Variants in RAB37 observed in about 807,000 individuals in gnomAD.
RAB37 encodes the protein ras-related protein Rab-37.
RAB37 carries 29 observed loss-of-function variants against 33.1 expected under a neutral mutation model. The ratio of observed to expected loss-of-function variants is 0.88; its 90% CI spans 0.65 to 1.20. The LOEUF is 1.20. RAB37 is among the 50% of genes most tolerant of loss of function. The probability of loss-of-function intolerance (pLI) is 0.00; values close to 1 mark genes in which losing one functional copy is unlikely to be tolerated. For synonymous variants in RAB37, 128 were observed against 119.5 expected (o/e 1.07, Z -0.47); for missense variants, 299 against 301.1 (o/e 0.99, Z 0.05).
intron 1 of RAB37, among the ~76,000 whole-genome samples, chr17:74,737,928 C>A (rs1305935758): frequency 1.3e-5 from 2 of 152,204 alleles, no homozygotes; most frequent in Admixed American, 6.5e-5. Context: ...ATGTTGCCAG[C>A]CGGCCTGCAG....
chr17:74,722,156 G>A (rs1196578307), intron 1 of RAB37, among the ~76,000 whole-genome samples: 8 of 151,982 alleles, frequency 5.3e-5, no homozygotes, highest in African/African-American at 1.2e-4. Context: ...GGTGGCGGGC[G>A]CCTGTAGTCC....
In RAB37 at chr17:74,744,897, A is replaced by G; in HGVS notation, c.457A>G (p.Ile153Val). 6.2e-7 allele frequency: 1 copy of G among 1,614,268 alleles called. No homozygotes were observed. The change falls in exon 7 of 9, where the codon ATC becomes GTC. Residue 153 changes from isoleucine to valine, a missense_variant. Physicochemically the swap from Ile to Val is conservative, Grantham distance 29. Coordinates refer to ENST00000392613, the MANE Select transcript of RAB37 (RefSeq NM_001006638.3). This position sits in a 1 kb window ranked among gnomAD's most constrained non-coding sequence, Gnocchi z 4.2. ...NKADMSSERVIRSEDGETLAR... is the reference protein window; with the variant it reads ...NKADMSSERVVRSEDGETLAR... ...GGCGGATATGAGCAGCGAAAGAGTG[A>G]TCCGTTCCGAAGACGGAGAGACCTT...
intron 1 of RAB37, among the ~76,000 whole-genome samples, chr17:74,710,124 G>A (rs999323902): frequency 3.3e-5 from 5 of 152,062 alleles, no homozygotes; most frequent in East Asian, 3.9e-4. Flanking sequence ...GACTACAGGC[G>A]CCCACCACCA....
At chr17:74,731,371 C>T (rs1598313680) in intron 2 of RAB37, among the ~76,000 whole-genome samples, 1 of 152,192 alleles carries the variant, frequency 6.6e-6, no homozygotes, top group Non-Finnish European at 1.5e-5. Flanking sequence ...GGGACAGAGC[C>T]CCTGGTCTCC....
chr17:74,723,180 G>A (rs1291972832), intron 1 of RAB37, among the ~76,000 whole-genome samples: 1 of 152,152 alleles, frequency 6.6e-6, no homozygotes, highest in Non-Finnish European at 1.5e-5. Context: ...GTGTATAACA[G>A]GAGAAAATAC....
In RAB37 at chr17:74,738,726, T is replaced by C. The variant is rs973857726; in HGVS notation, c.93+1361T>C. Among the ~76,000 whole-genome samples the C allele has an allele frequency of 2.6e-5, 4 of 152,130 alleles. No individual in the cohort carries two copies. Among genetic ancestry groups the C allele is most frequent in the Admixed American group, 2.0e-4 (3 of 15,282 alleles). On this transcript the variant is annotated intron_variant, in intron 1 of 8. Coordinates refer to ENST00000392613, the MANE Select transcript of RAB37 (RefSeq NM_001006638.3). The surrounding 1 kb of genome is among the most constrained non-coding windows in gnomAD (Gnocchi z 5.0). ...CATCTGTTCCCTGGCCAAGCGGCAT[T>C]GGCCGGAGAGTTGGTCCCCAGCCTC...
intron 1 of RAB37, chr17:74,712,733 A>T (rs892029740): frequency 1.5e-6 from 2 of 1,332,088 alleles, no homozygotes; most frequent in East Asian, 2.3e-5. Flanking sequence ...GCCATTAAGG[A>T]CACCTTCTGG....
In RAB37 at chr17:74,737,336, T is replaced by G; in HGVS notation, c.64T>G (p.Cys22Gly). The G allele has an allele frequency of 6.3e-7, 1 of 1,577,962 alleles. No individual in the cohort carries two copies. The highest frequency in any genetic ancestry group is 8.6e-7 in the Non-Finnish European group (1 of 1,169,376). The change falls in exon 1 of 9, where the codon TGC becomes GGC. Residue 22 changes from cysteine to glycine, a missense_variant. By Grantham distance (159) the Cys-to-Gly change is radical. Transcript: ENST00000392613. ...DGEAPERSPP[C>G]SPSYDLTGKV... ...CGAGGCCCCCGAGCGCTCCCCGCCC[T>G]GCAGTCCGAGCTACGACCTCACGGG...
upstream of RAB37, chr17:74,737,065 C>T: frequency 6.2e-7 from 1 of 1,608,288 alleles, no homozygotes; most frequent in Non-Finnish European, 8.5e-7. Context: ...AGGGAGGCTG[C>T]CCGCCCCTTC....
chr17:74,673,074 T>C (rs1445992614), intron 1 of RAB37: 3 of 152,132 alleles, frequency 2.0e-5, no homozygotes, highest in African/African-American at 7.2e-5. Flanking sequence ...TAGAAGAAAT[T>C]CTGTGCTATT....
chr17:74,674,238 C>G (rs1188616445), intron 1 of RAB37, among the ~76,000 whole-genome samples: 1 of 152,006 alleles, frequency 6.6e-6, no homozygotes, highest in Non-Finnish European at 1.5e-5. Flanking sequence ...CCATGCCTGG[C>G]TAATTTTTTG....
At chr17:74,718,997 TG>T (rs1050345206) in intron 1 of RAB37, among the ~76,000 whole-genome samples, 1 of 152,052 alleles carries the variant, frequency 6.6e-6, no homozygotes, top group Non-Finnish European at 1.5e-5. Flanking sequence ...TATACATCTG[TG>T]GGGGAAAAGG....
intron 1 of RAB37, among the ~76,000 whole-genome samples, chr17:74,721,450 T>G (rs950389443): frequency 6.0e-5 from 9 of 151,248 alleles, no homozygotes; most frequent in South Asian, 2.1e-4. Flanking sequence ...TTTTTTTTTT[T>G]GAGATGGAGT....
At chr17:74,723,522 T>C (rs1380299779) in intron 1 of RAB37, among the ~76,000 whole-genome samples, 1 of 151,886 alleles carries the variant, frequency 6.6e-6, no homozygotes, top group Non-Finnish European at 1.5e-5. Flanking sequence ...GACGCTTGTC[T>C]GAATGGTGGC....
At chr17:74,743,404 G>T in intron 5 of RAB37, 64 bp downstream of exon 5, 1 of 1,546,752 alleles carries the variant, frequency 6.5e-7, no homozygotes, top group South Asian at 1.1e-5. Flanking sequence ...TGCAGGCTGG[G>T]GTTGCTTCCT....
intron 1 of RAB37, chr17:74,695,238 T>A (rs2032317950): frequency 3.1e-6 from 5 of 1,613,984 alleles, no homozygotes; most frequent in Non-Finnish European, 4.2e-6. Context: ...AATGTCCTCC[T>A]TCGGCAAGGA....
At chr17:74,687,044 A>T (rs2032067642) in intron 1 of RAB37, among the ~76,000 whole-genome samples, 1 of 152,158 alleles carries the variant, frequency 6.6e-6, no homozygotes, top group East Asian at 1.9e-4. Context: ...CTCATAGCAG[A>T]TTTCTACTAC....
intron 1 of RAB37, among the ~76,000 whole-genome samples, chr17:74,683,998 G>A (rs748763954): frequency 3.3e-5 from 5 of 152,230 alleles, no homozygotes; most frequent in Non-Finnish European, 7.3e-5. Flanking sequence ...GGAAGAAGTA[G>A]ACAGGGATCA....
chr17:74,704,581 C>T (rs1331367158), intron 1 of RAB37: 1 of 1,614,186 alleles, frequency 6.2e-7, no homozygotes, highest in South Asian at 1.1e-5. Context: ...CCTCCATGGT[C>T]ACAGTGAACG....
Sources: allele counts gnomAD v4.1 joint callset (sites outside exome capture counted in the v4.1 genomes callset), GRCh38; gene constraint gnomAD v4.1.1; non-coding constraint Gnocchi (gnomAD v3.1); transcripts MANE v1.5; gene names NCBI Gene and HGNC (gene_info 2026-07-23, HGNC 2026-07-21).